TBC1D26: variants seen among roughly 807,000 people sequenced by gnomAD.
TBC1D26 encodes the protein TBC1 domain family, member 26.
In TBC1D26, 19 loss-of-function variants were observed where a neutral mutation model predicts 42.5. That is an observed-to-expected ratio of 0.45 (90% CI 0.31 to 0.66). The LOEUF is 0.66. Ranked by LOEUF, TBC1D26 falls within the 30% of genes least tolerant of loss-of-function variation. TBC1D26 has a pLI of 0.06. For synonymous variants in TBC1D26, 97 were observed against 123.5 expected, an observed-to-expected ratio of 0.79 and a Z score of 1.42; for missense variants, 228 against 332.6, an observed-to-expected ratio of 0.69 and a Z score of 2.45.
chr17:15,737,170 G>A (rs909008463), intron 4 of TBC1D26, among the ~76,000 whole-genome samples: 7 of 152,008 alleles, frequency 4.6e-5, no homozygotes, highest in Admixed American at 4.6e-4. Context: ...CTCAGAACTG[G>A]ACTTTCTTAG....
intron 10 of TBC1D26, chr17:15,741,552 C>G: frequency 2.1e-6 from 1 of 471,798 alleles, no homozygotes; most frequent in Middle Eastern, 6.0e-4. Flanking sequence ...TGCCTCCCAG[C>G]TGGCTGTGCT....
chr17:15,734,672 C>A, intron 1 of TBC1D26: 1 of 161,990 alleles, frequency 6.2e-6, no homozygotes, highest in Non-Finnish European at 1.4e-5. Context: ...ACTAAGGCCC[C>A]AGCGTTCTCT....
In TBC1D26 at chr17:15,738,645, G is replaced by A. The variant is rs529997961; in HGVS notation, c.388-76G>A. 6.0e-5 allele frequency: 95 copies of A among 1,593,430 alleles called. No individual in the cohort carries two copies. The South Asian group carries it at 1.0e-3, about 18-fold the overall frequency. ...CCTTCCTTCCAGAAGTGCTGACTGTGGGATGACTGCCGTTTGGGGCAGGGA... is the reference window on the plus strand; with the variant it reads ...CCTTCCTTCCAGAAGTGCTGACTGTAGGATGACTGCCGTTTGGGGCAGGGA... On this transcript the variant is annotated intron_variant, in intron 7 of 14. Transcript: ENST00000437605.
intron 8 of TBC1D26, 37 bp from the exon 9 acceptor site, chr17:15,740,063 C>G: frequency 6.4e-7 from 1 of 1,552,180 alleles, no homozygotes; most frequent in East Asian, 2.4e-5. Context: ...CGTCTGCACA[C>G]ACACAAAAAA....
At chr17:15,741,920 T>C (rs916998718) in intron 10 of TBC1D26, 22 bp from the exon 11 acceptor site, 1 of 1,611,952 alleles carries the variant, frequency 6.2e-7, no homozygotes, top group African/African-American at 1.3e-5. Flanking sequence ...TCTGATGGGG[T>C]GATGGGTCGC....
intron 9 of TBC1D26, 113 bp downstream of exon 9, chr17:15,740,261 G>C: frequency 1.9e-6 from 3 of 1,612,252 alleles, no homozygotes; most frequent in South Asian, 2.2e-5. Flanking sequence ...CCACCAGGAC[G>C]TAGTAGGCAG....
At chr17:15,735,160 G>A (rs1186254347) in intron 2 of TBC1D26, 90 bp downstream of exon 2, 2 of 665,742 alleles carry the variant, frequency 3.0e-6, no homozygotes, top group Non-Finnish European at 5.2e-6. Flanking sequence ...GCCCACCACT[G>A]GTTGGAGGCA....
intron 9 of TBC1D26, 200 bp downstream of exon 9, chr17:15,740,348 A>G: frequency 4.0e-6 from 6 of 1,509,152 alleles, no homozygotes; most frequent in Non-Finnish European, 5.3e-6. Context: ...ACCACGTCTC[A>G]GATGAAGAAA....
At chr17:15,741,907 G>A (rs1251743796) in intron 10 of TBC1D26, 35 bp from the exon 11 acceptor site, 1 of 1,606,326 alleles carries the variant, frequency 6.2e-7, no homozygotes, top group Admixed American at 1.7e-5. Context: ...TTTGGGCGTG[G>A]GGTCTGATGG....
chr17:15,733,284 G>A (rs1278005507), intron 1 of TBC1D26, among the ~76,000 whole-genome samples: 2 of 151,936 alleles, frequency 1.3e-5, no homozygotes, highest in Admixed American at 6.6e-5. Context: ...CCTCAGGCAC[G>A]GGGTTTGTCC....
At chr17:15,738,483 G>A in intron 7 of TBC1D26, 96 bp downstream of exon 7, 3 of 1,474,700 alleles carry the variant, frequency 2.0e-6, no homozygotes, top group Non-Finnish European at 2.8e-6. Flanking sequence ...CCTGGGTTGG[G>A]AGTGGGGGCT....
chr17:15,738,163 C>T lies in TBC1D26; in HGVS notation c.279+86C>T. 6 of 1,609,818 alleles carry T rather than the reference C, an allele frequency of 3.7e-6. No homozygotes were observed. The South Asian group carries it at 4.4e-5, about 12-fold the overall frequency. ...CATGGTTGTGACCTGGCACCGTCTG[C>T]CTCTCAGTGGGTGGGTGGTACCCCA... On this transcript the variant is annotated intron_variant, in intron 6 of 14. Transcript: ENST00000437605.
chr17:15,740,981 T>C, intron 9 of TBC1D26, 141 bp from the exon 10 acceptor site: 1 of 1,095,362 alleles, frequency 9.1e-7, no homozygotes, highest in Non-Finnish European at 1.3e-6. Flanking sequence ...AGGGGAGGGG[T>C]GCAGAGGCTG....
chr17:15,741,997 G>T lies in TBC1D26; in HGVS notation c.702G>T (p.Gln234His). ...AGAGGCTCCTATCGCACCAGGAGCA[G>T]GTGCTGCACAAGTCCTTCCCAAAGA... ...WLERLLSHQEQVLHKSFPKIM... is the reference protein window; with the variant it reads ...WLERLLSHQEHVLHKSFPKIM... The change falls in exon 11 of 15, where the codon CAG (glutamine) becomes CAT (histidine). Residue 234 changes from glutamine (Q) to histidine (H), a missense_variant. This residue lies in a region of TBC1D26 where 130 missense variants were observed against 168.5 expected (regional missense o/e 0.77). Transcript: ENST00000437605. 6.2e-7 allele frequency: 1 copy of T among 1,614,080 alleles called. No homozygotes were observed. Among genetic ancestry groups the T allele is most frequent in the Non-Finnish European group, 8.5e-7 (1 of 1,179,998 alleles).
chr17:15,741,113 C>G lies in TBC1D26; in HGVS notation c.547-9C>G. ...TGACATCTTTCCACGGTGACTCTGG[C>G]TCTTGCAGGAGGTGGGCTACCACAG... On this transcript the variant is annotated splice_polypyrimidine_tract_variant and intron_variant, in intron 9 of 14. Coordinates refer to ENST00000437605, the MANE Select transcript of TBC1D26 (RefSeq NM_001388465.1). The G allele has an allele frequency of 6.2e-7, 1 of 1,608,792 alleles. No homozygotes were observed. Among genetic ancestry groups the G allele is most frequent in the Non-Finnish European group, 8.5e-7 (1 of 1,179,874 alleles).
chr17:15,741,837 G>A (rs1967791676), intron 10 of TBC1D26, 105 bp from the exon 11 acceptor site: 8 of 1,051,070 alleles, frequency 7.6e-6, no homozygotes, highest in Non-Finnish European at 1.1e-5. Context: ...GGGAGGGAGG[G>A]AGGCCTCGGG....
At chr17:15,737,433 G>A in intron 4 of TBC1D26, 51 bp from the exon 5 acceptor site, 1 of 1,577,802 alleles carries the variant, frequency 6.3e-7, no homozygotes, top group Non-Finnish European at 8.6e-7. Flanking sequence ...CAGGGAGAGG[G>A]ATGGCTCCTG....
intron 1 of TBC1D26, among the ~76,000 whole-genome samples, chr17:15,732,721 G>A (rs1468473503): frequency 6.6e-6 from 1 of 152,192 alleles, no homozygotes. Context: ...ATGGGGCAGA[G>A]TCTGGCCCTG....
intron 1 of TBC1D26, among the ~76,000 whole-genome samples, chr17:15,733,334 A>G (rs1339337477): frequency 2.0e-5 from 3 of 152,082 alleles, no homozygotes; most frequent in Admixed American, 6.5e-5. Context: ...GAAATGAGTC[A>G]TGGCACCCTG....
Sources: gnomAD v4.1 joint callset for allele counts (sites outside exome capture counted in the v4.1 genomes callset) on GRCh38, gnomAD v4.1.1 for gene constraint, gnomAD v4.1.1 regional missense constraint, MANE v1.5 for transcripts, NCBI Gene and HGNC (gene_info 2026-07-23, HGNC 2026-07-21) for gene names.